SMIM35: variants seen among roughly 807,000 people sequenced by gnomAD.
SMIM35 encodes the protein TMPRSS4 antisense RNA 1 (non-protein coding).
chr11:118,029,047 C>A (rs1221688038), intron 1 of SMIM35: 2 of 329,956 alleles, frequency 6.1e-6, no homozygotes, highest in Non-Finnish European at 1.2e-5. Context: ...CAATGTCAGA[C>A]AAATAGAATG....
intron 1 of SMIM35, among the ~76,000 whole-genome samples, chr11:118,033,203 G>C (rs2058331977): frequency 6.6e-6 from 1 of 152,196 alleles, no homozygotes; most frequent in Admixed American, 6.5e-5. Context: ...GATTGTTCTT[G>C]ATTAGCGATT....
intron 1 of SMIM35, among the ~76,000 whole-genome samples, chr11:118,070,552 G>C (rs1944554973): frequency 6.6e-6 from 1 of 152,220 alleles, no homozygotes; most frequent in African/African-American, 2.4e-5. Flanking sequence ...CATGTAGGAT[G>C]GAAAGCAGTA....
intron 1 of SMIM35, among the ~76,000 whole-genome samples, chr11:118,047,928 G>A (rs111369994): frequency 1.9e-3 from 284 of 152,248 alleles, no homozygotes; most frequent in African/African-American, 6.4e-3. Flanking sequence ...AGCCCAGAGC[G>A]TTTCAAGGGG....
chr11:118,027,412 G>C (rs1368273051), intron 1 of SMIM35, among the ~76,000 whole-genome samples: 1 of 152,006 alleles, frequency 6.6e-6, no homozygotes, highest in Non-Finnish European at 1.5e-5. Context: ...ACTGTAATTA[G>C]AGCTCCTAAT....
chr11:118,035,071 C>T (rs79075579), intron 1 of SMIM35, among the ~76,000 whole-genome samples: 6,035 of 151,948 alleles, frequency 0.04, 202 homozygotes, highest in East Asian at 0.19. Context: ...GGTGCCTCCG[C>T]CTCCTGAGTA....
At chr11:118,082,079 C>A (rs1334692929) in intron 1 of SMIM35, among the ~76,000 whole-genome samples, 6 of 152,156 alleles carry the variant, frequency 3.9e-5, no homozygotes, top group Non-Finnish European at 7.3e-5. Flanking sequence ...GCTGGGAGAA[C>A]CTGTCCGGAC....
At chr11:118,029,742 A>G (rs2058302869) in intron 1 of SMIM35, 1 of 457,284 alleles carries the variant, frequency 2.2e-6, no homozygotes, top group Non-Finnish European at 4.4e-6. Flanking sequence ...AAACACCAGC[A>G]CCAGACTGCC....
rs1945602759 is a variant in SMIM35 at position 118,086,943 on chromosome 11, A to G, written c.-186T>C. On this transcript the variant is annotated 5_prime_UTR_variant, in exon 1 of 5. Coordinates refer to ENST00000689828, the MANE Select transcript of SMIM35 (RefSeq NM_001394165.1). Reference sequence around the variant, plus strand: ...GCACTGTGGCCGGGCCCCACTCTGCAAGCTGACGGCAAGCACCTCTGGGTC... The same window carrying G: ...GCACTGTGGCCGGGCCCCACTCTGCGAGCTGACGGCAAGCACCTCTGGGTC... 1 of 152,456 alleles carries G rather than the reference A, an allele frequency of 6.6e-6. No individual in the cohort carries two copies. Among genetic ancestry groups the G allele is most frequent in the Non-Finnish European group, 1.5e-5 (1 of 68,094 alleles). The allele number at this position is 152,456 out of a possible 1,614,324, so 9.4% of individuals were successfully genotyped here.
rs539914012 is a variant in SMIM35, at chr11:118,050,461, C to G, written c.8-34652G>C. 1.1e-4 allele frequency among the ~76,000 whole-genome samples: 16 copies of G among 152,346 alleles called. No individual in the cohort carries two copies. The South Asian group carries it at 3.3e-3, about 32-fold the overall frequency. ...GGGCACTAGCACCCAGCCACTGACACCAACCATCAGCTGCCCCTGCCATCT... is the reference window on the plus strand; with the variant it reads ...GGGCACTAGCACCCAGCCACTGACAGCAACCATCAGCTGCCCCTGCCATCT... On this transcript the variant is annotated intron_variant, in intron 1 of 4. Coordinates refer to ENST00000689828, the MANE Select transcript of SMIM35 (RefSeq NM_001394165.1).
intron 1 of SMIM35, among the ~76,000 whole-genome samples, chr11:118,068,859 C>T (rs1416637549): frequency 1.3e-5 from 2 of 152,192 alleles, no homozygotes; most frequent in Middle Eastern, 3.2e-3. Flanking sequence ...TCTCTCCCCA[C>T]GCATCACTCC....
intron 1 of SMIM35, among the ~76,000 whole-genome samples, chr11:118,064,525 C>T (rs1667947945): frequency 6.6e-6 from 1 of 152,200 alleles, no homozygotes. Flanking sequence ...CTCAGGATAT[C>T]CTCTTCCCTC....
chr11:118,010,705 G>A (rs2058145395), intron 4 of SMIM35, among the ~76,000 whole-genome samples: 1 of 152,146 alleles, frequency 6.6e-6, no homozygotes, highest in South Asian at 2.1e-4. Context: ...AGGAGGGGAG[G>A]GGCTGCAGGG....
chr11:118,080,667 T>C (rs761852283), intron 1 of SMIM35, among the ~76,000 whole-genome samples: 1 of 151,808 alleles, frequency 6.6e-6, no homozygotes. Flanking sequence ...ATGTAAGAAA[T>C]GAGGAGAGAC....
intron 1 of SMIM35, among the ~76,000 whole-genome samples, chr11:118,061,323 C>A (rs1338697638): frequency 1.3e-5 from 2 of 152,202 alleles, no homozygotes; most frequent in African/African-American, 4.8e-5. Context: ...GAAAATAATG[C>A]CCACCTCACA....
intron 1 of SMIM35, among the ~76,000 whole-genome samples, chr11:118,082,339 T>A (rs984464988): frequency 6.6e-6 from 1 of 152,066 alleles, no homozygotes; most frequent in Non-Finnish European, 1.5e-5. Flanking sequence ...GGTGGGCGGA[T>A]CACCTGAGGT....
intron 1 of SMIM35, among the ~76,000 whole-genome samples, chr11:118,062,365 C>A (rs576661227): frequency 1.2e-4 from 19 of 152,140 alleles, no homozygotes; most frequent in South Asian, 4.1e-4. Flanking sequence ...AAGAGAGGCA[C>A]CCCTGAGCTA....
chr11:118,085,629 A>G (rs1193471524), intron 1 of SMIM35, among the ~76,000 whole-genome samples: 1 of 152,180 alleles, frequency 6.6e-6, no homozygotes, highest in Non-Finnish European at 1.5e-5. Context: ...GCAGGTCCTC[A>G]GTTCAGGTAA....
chr11:118,042,068 A>AAAAAAGAGAG (rs1555073518), intron 1 of SMIM35, among the ~76,000 whole-genome samples: 2 of 117,860 alleles, frequency 1.7e-5, no homozygotes, highest in African/African-American at 3.3e-5. Flanking sequence ...AAAAAAAAAA[A>AAAAAAGAGAG]AGAGAGAGAG....
intron 1 of SMIM35, among the ~76,000 whole-genome samples, chr11:118,052,544 A>C (rs1186746683): frequency 6.6e-6 from 1 of 152,126 alleles, no homozygotes; most frequent in Non-Finnish European, 1.5e-5. Flanking sequence ...AAAGCCTCAA[A>C]ACTATGTAAG....
Sources: allele counts gnomAD v4.1 joint callset (sites outside exome capture counted in the v4.1 genomes callset), GRCh38; gene constraint gnomAD v4.1.1; transcripts MANE v1.5; gene names NCBI Gene and HGNC (gene_info 2026-07-23, HGNC 2026-07-21).